DEF8: variants seen among roughly 807,000 people sequenced by gnomAD.
DEF8 encodes DEF-8.
A neutral mutation model predicts 59.1 loss-of-function variants in DEF8; 38 were observed. The ratio of observed to expected loss-of-function variants is 0.64; its 90% CI spans 0.50 to 0.84. DEF8 has a LOEUF of 0.84. Ranked by LOEUF, DEF8 falls within the 40% of genes least tolerant of loss-of-function variation. DEF8 has a pLI of 0.00. For synonymous variants in DEF8, 265 were observed against 250.1 expected (o/e 1.06, Z -0.56); for missense variants, 557 against 615.2 (o/e 0.91, Z 1.00).
chr16:89,957,594 G>C lies in DEF8; in HGVS notation c.306G>C (p.Gln102His), dbSNP rs1335935042. The change falls in exon 5 of 13, where the codon CAG (glutamine) becomes CAC (histidine). Residue 102 changes from glutamine (Q) to histidine (H), a missense_variant. Gln to His is a conservative substitution (Grantham distance 24). Coordinates refer to ENST00000563594, the MANE Select transcript of DEF8 (RefSeq NM_001242818.2). The part of the protein sequence containing the change: ...CKQVILELPE[Q>H]SEKQKDAVVR... ...AGGTGATTCTGGAGCTGCCCGAGCA[G>C]TCGGAGAAGCAGAAGGATGCCGTGG... 1.3e-6 allele frequency: 2 copies of C among 1,585,858 alleles called. No homozygotes were observed. Among genetic ancestry groups the C allele is most frequent in the Non-Finnish European group, 8.6e-7 (1 of 1,166,660 alleles).
intron 10 of DEF8, 51 bp from the exon 11 acceptor site, chr16:89,964,119 T>C (rs1421844816): frequency 6.2e-7 from 1 of 1,612,664 alleles, no homozygotes; most frequent in African/African-American, 1.3e-5. Context: ...GGGTGGGCGG[T>C]GGGAGGGGCC....
At chr16:89,950,194 G>C in intron 2 of DEF8, 1 of 986,570 alleles carries the variant, frequency 1.0e-6, no homozygotes, top group South Asian at 4.7e-5. Context: ...GGCTTCCCCA[G>C]GCGTAGCTCC....
intron 9 of DEF8, among the ~76,000 whole-genome samples, chr16:89,962,754 C>T (rs1364539932): frequency 6.6e-6 from 1 of 152,260 alleles, no homozygotes; most frequent in Non-Finnish European, 1.5e-5. Context: ...AATCAATGTA[C>T]ATTTTTGAGA....
chr16:89,950,374 GTC>G (rs1229732340), intron 2 of DEF8: 1 of 970,342 alleles, frequency 1.0e-6, no homozygotes, highest in East Asian at 1.1e-4. Context: ...GAGAACCAGA[GTC>G]TAAATCAGGG....
At chr16:89,961,960 C>A in intron 8 of DEF8, 52 bp from the exon 9 acceptor site, 1 of 1,606,996 alleles carries the variant, frequency 6.2e-7, no homozygotes, top group Non-Finnish European at 8.5e-7. Flanking sequence ...GTGTTGCCCG[C>A]TGCACGGGCC....
At chr16:89,955,779 A>T (rs558246583) in intron 4 of DEF8, among the ~76,000 whole-genome samples, 181 of 152,288 alleles carry the variant, frequency 1.2e-3, no homozygotes, top group African/African-American at 3.7e-3. Flanking sequence ...TGATTTTTTT[A>T]AAAAAGTTTG....
intron 2 of DEF8, among the ~76,000 whole-genome samples, chr16:89,952,237 G>A (rs555634900): frequency 3.3e-4 from 50 of 152,306 alleles, no homozygotes; most frequent in African/African-American, 1.1e-3. Context: ...GCCGGATGCC[G>A]TCCTCCTGCC....
In DEF8 at chr16:89,949,453, C is replaced by G. The variant is rs1038321029; in HGVS notation, c.-71C>G. The G allele has an allele frequency of 5.0e-6, 8 of 1,609,646 alleles. No individual in the cohort carries two copies. The highest frequency in any genetic ancestry group is 6.8e-6 in the Non-Finnish European group (8 of 1,179,048). On this transcript the variant is annotated 5_prime_UTR_variant, in exon 2 of 13. Coordinates refer to ENST00000563594, the MANE Select transcript of DEF8 (RefSeq NM_001242818.2). ...CCCACGGCCAGGCTTCCGTGGCCAG[C>G]AGCCCTAGAGGAATGGCCATCCTGT...
intron 7 of DEF8, 122 bp downstream of exon 7, chr16:89,961,217 G>A: frequency 7.7e-7 from 1 of 1,295,280 alleles, no homozygotes; most frequent in African/African-American, 1.5e-5. Flanking sequence ...GTGCCTGCTT[G>A]ATATCTTTAG....
chr16:89,952,854 C>T (rs957358988), intron 2 of DEF8, among the ~76,000 whole-genome samples: 1 of 152,196 alleles, frequency 6.6e-6, no homozygotes, highest in African/African-American at 2.4e-5. Flanking sequence ...CAGGACAGGC[C>T]CCATAGGTGG....
Position 89,964,320 on chromosome 16 carries a change from T to A in DEF8, c.1143+10T>A, listed in dbSNP as rs754868631. The A allele has an allele frequency of 1.1e-5, 18 of 1,576,358 alleles. No individual in the cohort carries two copies. The Admixed American group carries it at 2.1e-4, about 18-fold the overall frequency. ...CAAGCTGGACTGCGAGGTGGGCCTC[T>A]GCCCGAGGGCCGCTCTTCTCCAACC... On this transcript the variant is annotated intron_variant, in intron 11 of 12. Coordinates refer to ENST00000563594, the MANE Select transcript of DEF8 (RefSeq NM_001242818.2).
intron 7 of DEF8, 25 bp downstream of exon 7, chr16:89,961,120 G>A (rs766777013): frequency 3.3e-5 from 53 of 1,600,310 alleles, no homozygotes; most frequent in East Asian, 4.5e-5. Context: ...GGAGAGAAGA[G>A]GGTGAGGGAG....
At position 89,949,377 on chromosome 16, in the gene DEF8, G is replaced by A. The variant is rs2031517726; in HGVS notation, c.-107-40G>A. On this transcript the variant is annotated intron_variant, in intron 1 of 12. Transcript: ENST00000563594. ...CCGGGCGAGCTCCCGCGGGTGTGGT[G>A]GGTGGGGAGGCACAGTGCTGGGGTG... 2.6e-6 allele frequency: 4 copies of A among 1,516,460 alleles called. No homozygotes were observed. In the Admixed American group the frequency reaches 8.0e-5, roughly 30 times the overall value. The allele number at this position is 1,516,460 out of a possible 1,614,324, so 93.9% of individuals were successfully genotyped here. A position where few individuals can be genotyped will look rare whatever the true frequency, so the allele number is the denominator to read the frequency against.
intron 2 of DEF8, among the ~76,000 whole-genome samples, chr16:89,953,408 T>C (rs967350979): frequency 6.6e-6 from 1 of 152,190 alleles, no homozygotes; most frequent in Non-Finnish European, 1.5e-5. Context: ...CCCTGTGTGT[T>C]CTGCAGTGTT....
Position 89,949,049 on chromosome 16 carries a change from T to A in DEF8, c.-108+235T>A, listed in dbSNP as rs1251085880. 2.2e-3 allele frequency among the ~76,000 whole-genome samples: 32 copies of A among 14,726 alleles called. 5 individuals are homozygous for A. Among genetic ancestry groups the A allele is most frequent in the African/African-American group, 0.021 (29 of 1,408 alleles). The allele number at this position is 14,726 out of a possible 152,430, so 9.7% of individuals were successfully genotyped here. A position where few individuals can be genotyped will look rare whatever the true frequency, so the allele number is the denominator to read the frequency against. On this transcript the variant is annotated intron_variant, in intron 1 of 12. Coordinates refer to ENST00000563594, the MANE Select transcript of DEF8 (RefSeq NM_001242818.2). ...GCCGGCGGGGACGGGGTCGGCGGGG[T>A]CGGGGCTGGGAGGGACGGGGCCGGC...
chr16:89,949,684 G>C (rs771424104), intron 2 of DEF8, 171 bp downstream of exon 2: 5 of 1,550,784 alleles, frequency 3.2e-6, no homozygotes, highest in Non-Finnish European at 4.4e-6. Flanking sequence ...GGGTCCCTCC[G>C]TGCCCCGGAA....
In DEF8 at chr16:89,964,507, G is replaced by A; in HGVS notation, c.1185G>A (p.Glu395=). 1 of 1,599,274 alleles carries A rather than the reference G, an allele frequency of 6.3e-7. No individual in the cohort carries two copies. The highest frequency in any genetic ancestry group is 1.1e-5 in the South Asian group (1 of 88,608). ...GCTTCGTGTGTGAGCTCTGCAGAGA[G>A]GGCGACGTGCTGTTCCCGTTCGACA... ...AKGFVCELCR[E]GDVLFPFDSH... Residue 395 remains glutamate (E), a synonymous_variant, in exon 12 of 13, where the codon GAG becomes GAA. Coordinates refer to ENST00000563594, the MANE Select transcript of DEF8 (RefSeq NM_001242818.2).
chr16:89,966,004 G>C lies in DEF8; in HGVS notation c.*41G>C, dbSNP rs1179614485. 16 of 1,486,334 alleles carry C rather than the reference G, an allele frequency of 1.1e-5. No individual in the cohort carries two copies. The highest frequency in any genetic ancestry group is 1.5e-5 in the Non-Finnish European group (16 of 1,072,766). 92.1% of individuals were successfully genotyped at this position (1,486,334 alleles called of 1,614,324 possible). On this transcript the variant is annotated 3_prime_UTR_variant, in exon 13 of 13. Transcript: ENST00000563594. ...CTGGGCACCCCGCCTGGCCCGCCAG[G>C]ACCCACCCTGCCAACATCAAGTTGT...
intron 12 of DEF8, among the ~76,000 whole-genome samples, chr16:89,964,813 C>T (rs1431115720): frequency 6.6e-6 from 1 of 152,206 alleles, no homozygotes; most frequent in East Asian, 1.9e-4. Context: ...AGGGGGCTGC[C>T]CCTTCCCAGG....
Sources: gnomAD v4.1 joint callset for allele counts (sites outside exome capture counted in the v4.1 genomes callset) on GRCh38, gnomAD v4.1.1 for gene constraint, MANE v1.5 for transcripts, NCBI Gene and HGNC (gene_info 2026-07-23, HGNC 2026-07-21) for gene names.